The following DCP1B variants were observed in gnomAD, a reference collection of about 807,000 sequenced individuals.
DCP1B encodes the protein mRNA-decapping enzyme 1B.
DCP1B carries 47 observed loss-of-function variants against 60.5 expected under a neutral mutation model. That is an observed-to-expected ratio of 0.78 (90% CI 0.61 to 0.99). The LOEUF (loss-of-function observed/expected upper bound fraction) is 0.99, where lower values mean the gene tolerates loss of function less well. DCP1B is among the 50% of genes least tolerant of loss of function. The pLI is 0.00. For missense variants in DCP1B, 725 were observed against 756.8 expected (o/e 0.96, Z 0.49); for synonymous variants, 267 against 280.3 (o/e 0.95, Z 0.47).
At position 1,984,778 on chromosome 12, in the gene DCP1B, TAAAAAAAA is replaced by T. The variant is rs764705302; in HGVS notation, c.319+8478_319+8485del. ...ATTTATTCTACAGTGGGTCTTCTGGTAAAAAAAAAAAAAAAAAAAAAAAGGTTCTTTTT... is the reference window on the plus strand; with the variant it reads ...ATTTATTCTACAGTGGGTCTTCTGGTAAAAAAAAAAAAAAAGGTTCTTTTT... On this transcript the variant is annotated intron_variant, in intron 3 of 8. Coordinates refer to ENST00000280665, the MANE Select transcript of DCP1B (RefSeq NM_152640.5). 3.7e-5 allele frequency among the ~76,000 whole-genome samples: 3 copies of T among 81,340 alleles called. No homozygotes were observed. The South Asian group carries it at 1.5e-3, about 42-fold the overall frequency. The allele number at this position is 81,340 out of a possible 152,430, so 53.4% of individuals were successfully genotyped here.
intron 5 of DCP1B, among the ~76,000 whole-genome samples, 157 bp from the exon 6 acceptor site, chr12:1,955,717 T>A (rs570971792): frequency 6.6e-6 from 1 of 152,222 alleles, no homozygotes; most frequent in Non-Finnish European, 1.5e-5. Context: ...CTAAGAGCTA[T>A]GTTTGAGTAT....
At chr12:2,004,184 C>A (rs1281907442) in intron 1 of DCP1B, 98 bp downstream of exon 1, 2 of 1,535,860 alleles carry the variant, frequency 1.3e-6, no homozygotes, top group South Asian at 2.4e-5. Flanking sequence ...AGGGCGTCAA[C>A]GTCTCCTCCC....
At chr12:1,990,984 C>CAA (rs58516806) in intron 3 of DCP1B, 5,053 of 322,380 alleles carry the variant, frequency 0.016, 10 homozygotes, top group East Asian at 0.033. Context: ...ATAGAAAGGA[C>CAA]AAAAAAAAAA....
At chr12:1,977,799 T>C (rs1342527516) in intron 3 of DCP1B, among the ~76,000 whole-genome samples, 1 of 152,236 alleles carries the variant, frequency 6.6e-6, no homozygotes, top group Non-Finnish European at 1.5e-5. Flanking sequence ...CTCATCATTG[T>C]TCTCTAAATT....
rs566508787 is a variant in DCP1B at position 1,987,946 on chromosome 12, T to C, written c.319+5318A>G. ...AACTCTTAAAAAGTAGCTGTAAATG[T>C]CCCAATAGATTCAAACTATCAGTTG... is the stretch of plus-strand genomic sequence containing the variant. On this transcript the variant is annotated intron_variant, in intron 3 of 8. Transcript: ENST00000280665. Among the ~76,000 whole-genome samples, 8 of 152,354 alleles carry C rather than the reference T, an allele frequency of 5.3e-5. No homozygotes were observed. In the South Asian group the frequency reaches 1.7e-3, roughly 32 times the overall value.
chr12:1,970,159 G>C (rs4765868), intron 3 of DCP1B, among the ~76,000 whole-genome samples: 81,842 of 152,004 alleles, frequency 0.54, 22,165 homozygotes, highest in East Asian at 0.72. Flanking sequence ...CAGTTTGACA[G>C]TGTCATCACC....
At position 1,962,405 on chromosome 12, in the gene DCP1B, TA is replaced by T. The variant is rs1189519649; in HGVS notation, c.522+3152del. On this transcript the variant is annotated intron_variant, in intron 5 of 8. Transcript: ENST00000280665. The surrounding 1 kb of genome is among the most constrained non-coding windows in gnomAD (Gnocchi z 4.4). ...TCAAAACATTATAACATATAGAAGATAAAAAACAGAAACAATACAAGGTATG... is the reference window on the plus strand; with the variant it reads ...TCAAAACATTATAACATATAGAAGATAAAAACAGAAACAATACAAGGTATG... Among the ~76,000 whole-genome samples the T allele has an allele frequency of 2.6e-5, 4 of 151,598 alleles. No homozygotes were observed. The East Asian group carries it at 7.7e-4, about 29-fold the overall frequency.
intron 5 of DCP1B, among the ~76,000 whole-genome samples, chr12:1,963,802 C>T (rs1402984981): frequency 6.6e-6 from 1 of 152,230 alleles, no homozygotes. Context: ...CTTACTGCTA[C>T]TGAGTTAGTC....
intron 5 of DCP1B, among the ~76,000 whole-genome samples, chr12:1,961,119 A>C (rs1368821164): frequency 1.3e-5 from 2 of 152,236 alleles, no homozygotes; most frequent in African/African-American, 4.8e-5. Context: ...CAGGCCCTGA[A>C]AGCTGGATCA....
chr12:1,974,266 A>G (rs1405384676), intron 3 of DCP1B, among the ~76,000 whole-genome samples: 1 of 152,168 alleles, frequency 6.6e-6, no homozygotes, highest in Non-Finnish European at 1.5e-5. Flanking sequence ...TTCTCTATCA[A>G]TTGATTACAC....
At chr12:1,978,632 G>A (rs1162269965) in intron 3 of DCP1B, among the ~76,000 whole-genome samples, 1 of 152,114 alleles carries the variant, frequency 6.6e-6, no homozygotes, top group Non-Finnish European at 1.5e-5. Context: ...CTGAAAACAA[G>A]ATATAAAATA....
chr12:1,951,141 G>A (rs1456565824), intron 7 of DCP1B, among the ~76,000 whole-genome samples: 4 of 152,136 alleles, frequency 2.6e-5, no homozygotes, highest in African/African-American at 9.7e-5. Context: ...CAGGTGTGGT[G>A]GCAGGTGCCT....
intron 7 of DCP1B, chr12:1,950,479 TA>T: frequency 2.9e-6 from 2 of 693,100 alleles, no homozygotes; most frequent in Non-Finnish European, 2.6e-6. Context: ...CAGACATTTT[TA>T]AAAAAGGGAC....
chr12:1,948,312 C>CG lies in DCP1B; in HGVS notation c.1773+773dup, dbSNP rs1328594679. 6.6e-6 allele frequency among the ~76,000 whole-genome samples: 1 copy of CG among 152,140 alleles called. No homozygotes were observed. Among genetic ancestry groups the CG allele is most frequent in the Admixed American group, 6.5e-5 (1 of 15,286 alleles). ...GGGAGAGTACGTGGGAAGTGGCACT[C>CG]GGGGGCCAGGCTGGGTGCATCCCAG... On this transcript the variant is annotated intron_variant, in intron 8 of 8. Coordinates refer to ENST00000280665, the MANE Select transcript of DCP1B (RefSeq NM_152640.5). This position sits in a 1 kb window ranked among gnomAD's most constrained non-coding sequence, Gnocchi z 4.8.
At position 1,946,055 on chromosome 12, in the gene DCP1B, T is replaced by TA. The variant is rs2030407177; in HGVS notation, c.*150dup. ...ATAATAATTAAAAAACACTTGAGTATAAAAAAAAGTCTGAAACATTTTACT... is the reference window on the plus strand; with the variant it reads ...ATAATAATTAAAAAACACTTGAGTATAAAAAAAAAGTCTGAAACATTTTACT... On this transcript the variant is annotated 3_prime_UTR_variant, in exon 9 of 9. Transcript: ENST00000280665. 6.0e-5 allele frequency: 34 copies of TA among 564,998 alleles called. No homozygotes were observed. The South Asian group carries it at 6.2e-4, about 10-fold the overall frequency. The allele number at this position is 564,998 out of a possible 1,614,324, so 35.0% of individuals were successfully genotyped here.
chr12:1,953,157 TTGCTGC>T lies in DCP1B; in HGVS notation c.777_782del (p.Gln260_Gln261del), dbSNP rs71057810. 1.5e-4 allele frequency: 238 copies of T among 1,561,986 alleles called. No homozygotes were observed. The highest frequency in any genetic ancestry group is 3.4e-4 in the Middle Eastern group (2 of 5,946). Reference sequence around the variant, plus strand: ...CCCCCTGCCTAATTGGAAGCTTCTCTTGCTGCTGCTGCTGCTGCTGCTGCTGCTGGT... The same window carrying T: ...CCCCCTGCCTAATTGGAAGCTTCTCTTGCTGCTGCTGCTGCTGCTGCTGGT... On this transcript the variant is annotated inframe_deletion, in exon 7 of 9. Coordinates refer to ENST00000280665, the MANE Select transcript of DCP1B (RefSeq NM_152640.5).
chr12:1,987,753 A>G (rs969433006), intron 3 of DCP1B, among the ~76,000 whole-genome samples: 1 of 152,164 alleles, frequency 6.6e-6, no homozygotes, highest in South Asian at 2.1e-4. Context: ...TTCCAATATA[A>G]TGCTTTCATA....
At chr12:1,966,987 G>A (rs1282928158) in intron 4 of DCP1B, among the ~76,000 whole-genome samples, 1 of 152,176 alleles carries the variant, frequency 6.6e-6, no homozygotes, top group Non-Finnish European at 1.5e-5. Flanking sequence ...GCCATCCTAT[G>A]TGCTTGGCTG....
Position 1,952,896 on chromosome 12 carries a change from A to G in DCP1B, c.1044T>C (p.Asn348=), listed in dbSNP as rs2030735154. 1 of 1,614,144 alleles carries G rather than the reference A, an allele frequency of 6.2e-7. No homozygotes were observed. Among genetic ancestry groups the G allele is most frequent in the East Asian group, 2.2e-5 (1 of 44,872 alleles). The change falls in exon 7 of 9, where the codon AAT becomes AAC. Residue 348 remains asparagine, a synonymous_variant. Transcript: ENST00000280665. The part of the protein sequence containing the change: ...HNIGTSRGVQ[N]ASRTQNLFEK... The stretch of plus-strand genomic sequence containing the variant: ...CGAACAGGTTCTGAGTTCTGGAAGC[A>G]TTTTGTACACCACGAGAAGTTCCAA...
Sources: allele counts gnomAD v4.1 joint callset (sites outside exome capture counted in the v4.1 genomes callset), GRCh38; gene constraint gnomAD v4.1.1; non-coding constraint Gnocchi (gnomAD v3.1); transcripts MANE v1.5; gene names NCBI Gene and HGNC (gene_info 2026-07-23, HGNC 2026-07-21).